S100Z: variants seen among roughly 807,000 people sequenced by gnomAD.
S100Z encodes S100 calcium binding protein Z, also known as protein S100-Z.
Under a neutral mutation model 8.5 loss-of-function variants are expected in S100Z, and 11 were observed. The ratio of observed to expected loss-of-function variants is 1.30; its 90% CI spans 0.82 to 2.15. S100Z has a LOEUF of 2.15. Ranked by LOEUF, S100Z falls within the 30% of genes most tolerant of loss-of-function variation. S100Z has a pLI of 0.00. For missense variants in S100Z, 126 were observed against 117.9 expected (o/e 1.07, Z -0.32); for synonymous variants, 34 against 43.8 (o/e 0.78, Z 0.89).
chr5:76,931,330 C>T, the S100Z span, among the ~76,000 whole-genome samples: 1 of 152,080 alleles, frequency 6.6e-6, no homozygotes, highest in African/African-American at 2.4e-5. Context: ...CCAGGCTTGT[C>T]TTGAACTCCT....
intron 1 of S100Z, among the ~76,000 whole-genome samples, chr5:76,855,389 C>T (rs1410478386): frequency 1.3e-5 from 2 of 152,176 alleles, no homozygotes; most frequent in East Asian, 1.9e-4. Context: ...GATGCTGTAC[C>T]CTGCAAAGCT....
At chr5:76,872,280 T>G (rs112002038) in intron 2 of S100Z, among the ~76,000 whole-genome samples, 149 of 152,172 alleles carry the variant, frequency 9.8e-4, no homozygotes, top group African/African-American at 3.3e-3. Context: ...AATTGTAACC[T>G]GCCACCTTGG....
the S100Z span, among the ~76,000 whole-genome samples, chr5:76,927,166 G>A: frequency 6.6e-6 from 1 of 152,178 alleles, no homozygotes; most frequent in African/African-American, 2.4e-5. Context: ...TGTTCAGGGA[G>A]GCCCTAAAAC....
chr5:76,938,191 T>C, the S100Z span, among the ~76,000 whole-genome samples: 1 of 152,196 alleles, frequency 6.6e-6, no homozygotes, highest in Non-Finnish European at 1.5e-5. Flanking sequence ...TCAATGCCTG[T>C]CTATTCAGAT....
chr5:76,886,091 G>C (rs1743618658), intron 4 of S100Z, among the ~76,000 whole-genome samples: 1 of 151,836 alleles, frequency 6.6e-6, no homozygotes, highest in African/African-American at 2.4e-5. Context: ...TGGAGACATG[G>C]AGAGAAGGTG....
chr5:76,923,089 A>G (rs1745077342), downstream of S100Z, among the ~76,000 whole-genome samples: 1 of 151,950 alleles, frequency 6.6e-6, no homozygotes, highest in Non-Finnish European at 1.5e-5. Flanking sequence ...CCGTGACATC[A>G]TCTAATATGC....
At chr5:76,941,155 C>T in the S100Z span, among the ~76,000 whole-genome samples, 2 of 152,178 alleles carry the variant, frequency 1.3e-5, no homozygotes, top group East Asian at 1.9e-4. Context: ...CAGTTTCTTG[C>T]ATGACTCAAC....
chr5:76,902,195 C>T (rs573417966), intron 4 of S100Z, among the ~76,000 whole-genome samples: 18 of 152,256 alleles, frequency 1.2e-4, no homozygotes, highest in African/African-American at 4.1e-4. Context: ...GGGGTGATGC[C>T]AGCACTTCCT....
At chr5:76,945,301 C>T in the S100Z span, among the ~76,000 whole-genome samples, 7 of 152,134 alleles carry the variant, frequency 4.6e-5, no homozygotes, top group Admixed American at 2.6e-4. Context: ...GGTTTCTTCC[C>T]GTGTGATAGC....
chr5:76,947,756 A>G, the S100Z span, among the ~76,000 whole-genome samples: 1 of 152,228 alleles, frequency 6.6e-6, no homozygotes, highest in Non-Finnish European at 1.5e-5. Flanking sequence ...AAGAATATAC[A>G]ATGGGGAAAG....
chr5:76,877,940 T>C, intron 4 of S100Z, 106 bp downstream of exon 4: 1 of 649,360 alleles, frequency 1.5e-6, no homozygotes, highest in Non-Finnish European at 2.7e-6. Context: ...TTTATAGCTA[T>C]AATATCCAGT....
At chr5:76,916,082 A>C (rs916388235) in intron 4 of S100Z, among the ~76,000 whole-genome samples, 41 of 149,882 alleles carry the variant, frequency 2.7e-4, no homozygotes, top group African/African-American at 9.9e-4. Context: ...AATCGCTTGA[A>C]CCCAGGAGGT....
downstream of S100Z, among the ~76,000 whole-genome samples, chr5:76,925,271 T>C (rs1314948595): frequency 6.6e-6 from 1 of 152,150 alleles, no homozygotes; most frequent in Non-Finnish European, 1.5e-5. Flanking sequence ...CACACTAACC[T>C]AGCACTCTAT....
At chr5:76,860,532 T>A (rs1187658516) in intron 1 of S100Z, among the ~76,000 whole-genome samples, 1 of 152,048 alleles carries the variant, frequency 6.6e-6, no homozygotes, top group Non-Finnish European at 1.5e-5. Flanking sequence ...AACAGACTCA[T>A]GACAAGTAAG....
intron 4 of S100Z, among the ~76,000 whole-genome samples, chr5:76,915,033 C>T (rs754715373): frequency 6.6e-5 from 10 of 152,320 alleles, no homozygotes; most frequent in Middle Eastern, 3.4e-3. Flanking sequence ...AGGCCGGGCA[C>T]GGTGGCTCAC....
chr5:76,852,320 TGCCTGTTTACACTAGCA>T lies in S100Z; in HGVS notation c.-176+2171_-176+2187del, dbSNP rs1256805833. The stretch of plus-strand genomic sequence containing the variant: ...ATTTTTTTTTTCTTAGTCTCAATTT[TGCCTGTTTACACTAGCA>T]GCCTGGCCGTGGAAGCAGGCTGATG... On this transcript the variant is annotated intron_variant, in intron 1 of 4. Transcript: ENST00000317593. Among the ~76,000 whole-genome samples, 2 of 152,186 alleles carry T rather than the reference TGCCTGTTTACACTAGCA, an allele frequency of 1.3e-5. 1 individual carries two copies. Among genetic ancestry groups the T allele is most frequent in the African/African-American group, 4.8e-5 (2 of 41,450 alleles).
chr5:76,886,969 G>A lies in S100Z; in HGVS notation c.*2+9135G>A, dbSNP rs961218698. On this transcript the variant is annotated intron_variant, in intron 4 of 4. Coordinates refer to ENST00000317593, the MANE Select transcript of S100Z (RefSeq NM_130772.4). ...TGCTTCAGGCCATCTGGATGTATAC[G>A]TGCAGGTCACAGGGGATATGATGGC... Among the ~76,000 whole-genome samples the A allele has an allele frequency of 3.9e-5, 6 of 152,216 alleles. No homozygotes were observed. The South Asian group carries it at 1.2e-3, about 32-fold the overall frequency.
rs183238193 is a variant in S100Z, at chr5:76,877,852, C to T, written c.*2+18C>T. 3.0e-4 allele frequency: 468 copies of T among 1,564,556 alleles called. 1 individual carries two copies. Among genetic ancestry groups the T allele is most frequent in the Non-Finnish European group, 3.9e-4 (442 of 1,135,554 alleles). On this transcript the variant is annotated intron_variant, in intron 4 of 4. Transcript: ENST00000317593. ...AAATAAAGGTAAGTAATAAGCTCATCTAAAGGCAGAAATATATCCAAAGTT... is the reference window on the plus strand; with the variant it reads ...AAATAAAGGTAAGTAATAAGCTCATTTAAAGGCAGAAATATATCCAAAGTT...
intron 1 of S100Z, among the ~76,000 whole-genome samples, chr5:76,857,522 T>C (rs1303484444): frequency 2.1e-5 from 3 of 145,948 alleles, no homozygotes; most frequent in African/African-American, 5.2e-5. Flanking sequence ...TTTTTGGAGA[T>C]GGAGTCTTGC....
Sources: allele counts gnomAD v4.1 joint callset (sites outside exome capture counted in the v4.1 genomes callset), GRCh38; gene constraint gnomAD v4.1.1; transcripts MANE v1.5; gene names NCBI Gene and HGNC (gene_info 2026-07-23, HGNC 2026-07-21).